POLR3A: variants seen among roughly 807,000 people sequenced by gnomAD.
POLR3A encodes the protein RNA polymerase III subunit A.
POLR3A carries 112 observed loss-of-function variants against 152.8 expected under a neutral mutation model. That is an observed-to-expected ratio of 0.73 (90% CI 0.63 to 0.86). The LOEUF (loss-of-function observed/expected upper bound fraction) is 0.86, where lower values mean the gene tolerates loss of function less well. Among genes scored for constraint, POLR3A ranks in the 40% least tolerant of loss-of-function variants. The pLI is 0.00. For missense variants in POLR3A, 1,385 were observed against 1,743.1 expected, an observed-to-expected ratio of 0.79 and a Z score of 3.66; for synonymous variants, 615 against 652.1, an observed-to-expected ratio of 0.94 and a Z score of 0.87.
intron 11 of POLR3A, among the ~76,000 whole-genome samples, chr10:78,011,854 G>T (rs957748104): frequency 3.3e-5 from 5 of 152,122 alleles, no homozygotes; most frequent in Non-Finnish European, 7.4e-5. Context: ...TGGTAACTAA[G>T]GATTCTTCTA....
chr10:78,006,214 T>C (rs1243210768), intron 15 of POLR3A, among the ~76,000 whole-genome samples: 1 of 151,788 alleles, frequency 6.6e-6, no homozygotes. Context: ...CTGGCCAACA[T>C]GGTGAAACCC....
chr10:77,981,963 C>T lies in POLR3A; in HGVS notation c.3759+191G>A, dbSNP rs563525562. Among the ~76,000 whole-genome samples, 2,982 of 139,034 alleles carry T rather than the reference C, an allele frequency of 0.021. 60 individuals are homozygous for T. The highest frequency in any genetic ancestry group is 0.054 in the Middle Eastern group (15 of 276). The allele number at this position is 139,034 out of a possible 152,430, so 91.2% of individuals were successfully genotyped here. ...CTGAGGCAGGAGAATGGCGTGAACC[C>T]GGGAGGCAGAGCTTGCAGTGAGCAG... On this transcript the variant is annotated intron_variant, in intron 28 of 30. Transcript: ENST00000372371.
intron 25 of POLR3A, 40 bp downstream of exon 25, chr10:77,984,165 T>C: frequency 7.2e-7 from 1 of 1,384,452 alleles, no homozygotes; most frequent in Non-Finnish European, 1.0e-6. Context: ...GCAACATTGC[T>C]GAGCTAGTTT....
In POLR3A at chr10:77,982,277, G is replaced by A. The variant is rs751654135; in HGVS notation, c.3636C>T (p.Ile1212=). ...CCTTTCCACTCTGCTCGTCAATGTGGATGACAGCTCTGGACACCTCTGGAA... is the reference window on the plus strand; with the variant it reads ...CCTTTCCACTCTGCTCGTCAATGTGAATGACAGCTCTGGACACCTCTGGAA... ...QGIPEVSRAV[I]HIDEQSGKEK... is the part of the protein sequence containing the mutation. The change falls in exon 28 of 31, where the codon ATC becomes ATT. Residue 1212 remains isoleucine, a synonymous_variant. Coordinates refer to ENST00000372371, the MANE Select transcript of POLR3A (RefSeq NM_007055.4). The A allele has an allele frequency of 6.2e-7, 1 of 1,613,972 alleles. No homozygotes were observed. Among genetic ancestry groups the A allele is most frequent in the Non-Finnish European group, 8.5e-7 (1 of 1,179,946 alleles).
At position 77,980,130 on chromosome 10, in the gene POLR3A, A is replaced by C. The variant is rs886047283; in HGVS notation, c.4024+11T>G. The stretch of plus-strand genomic sequence containing the variant: ...GGCCTTTGATGCTGTTCATAGAAAC[A>C]TCAAACCTACCACACACAGAGTCCT... On this transcript the variant is annotated intron_variant, in intron 30 of 30. Coordinates refer to ENST00000372371, the MANE Select transcript of POLR3A (RefSeq NM_007055.4). 4 of 1,613,632 alleles carry C rather than the reference A, an allele frequency of 2.5e-6. No homozygotes were observed. The Admixed American group carries it at 6.7e-5, about 27-fold the overall frequency.
intron 8 of POLR3A, chr10:78,019,682 C>A: frequency 4.3e-6 from 1 of 234,376 alleles, no homozygotes; most frequent in Non-Finnish European, 8.5e-6. Context: ...TGTTCTGGAA[C>A]CTCTTAAACA....
At chr10:77,983,769 G>A (rs1207290639) in intron 26 of POLR3A, 151 bp downstream of exon 26, 2 of 687,612 alleles carry the variant, frequency 2.9e-6, no homozygotes, top group Non-Finnish European at 2.7e-6. Context: ...GAAAGAAAAT[G>A]TGAGGGGACA....
At chr10:77,997,904 C>T (rs56698336) in intron 19 of POLR3A, among the ~76,000 whole-genome samples, 9,230 of 150,636 alleles carry the variant, frequency 0.061, 938 homozygotes, top group African/African-American at 0.21. Context: ...CTTCAAACTA[C>T]ACAAGGCTAC....
intron 19 of POLR3A, among the ~76,000 whole-genome samples, chr10:77,998,307 T>A (rs1293859466): frequency 1.3e-5 from 2 of 151,870 alleles, no homozygotes; most frequent in Non-Finnish European, 2.9e-5. Context: ...ACAAATGGGA[T>A]CTAATTAAAC....
chr10:78,022,527 C>T, intron 5 of POLR3A, 143 bp from the exon 6 acceptor site: 1 of 829,756 alleles, frequency 1.2e-6, no homozygotes, highest in Non-Finnish European at 1.9e-6. Flanking sequence ...ATACGCTATG[C>T]TGCAAGAGCC....
At chr10:77,989,876 G>A (rs1433950626) in intron 21 of POLR3A, among the ~76,000 whole-genome samples, 2 of 152,076 alleles carry the variant, frequency 1.3e-5, no homozygotes, top group African/African-American at 4.8e-5. Flanking sequence ...AGCCTTTGGA[G>A]GAGAAAAACA....
Position 77,977,460 on chromosome 10 carries a change from G to A in POLR3A, c.*18C>T, listed in dbSNP as rs1248039821. 2 of 1,612,940 alleles carry A rather than the reference G, an allele frequency of 1.2e-6. No homozygotes were observed. The highest frequency in any genetic ancestry group is 3.3e-5 in the Admixed American group (2 of 60,016). On this transcript the variant is annotated 3_prime_UTR_variant, in exon 31 of 31. Transcript: ENST00000372371. ...GGACAAGGAGTCAAGGTCAGGCATG[G>A]TCCCCTCTTTCTTTGGACTATGTGA... is the stretch of plus-strand genomic sequence containing the variant.
intron 1 of POLR3A, among the ~76,000 whole-genome samples, 197 bp from the exon 2 acceptor site, chr10:78,026,426 T>C (rs919186021): frequency 6.6e-6 from 1 of 152,180 alleles, no homozygotes; most frequent in Non-Finnish European, 1.5e-5. Flanking sequence ...CAGTTTCTAC[T>C]CTCACCATCA....
At chr10:78,019,500 C>G in intron 8 of POLR3A, 2 of 565,834 alleles carry the variant, frequency 3.5e-6, no homozygotes, top group Non-Finnish European at 6.3e-6. Flanking sequence ...TGGCCAATTC[C>G]TTTCCTGGTG....
chr10:78,027,433 G>GT (rs1847647530), intron 1 of POLR3A, among the ~76,000 whole-genome samples: 1 of 152,208 alleles, frequency 6.6e-6, no homozygotes, highest in Non-Finnish European at 1.5e-5. Context: ...GCCAAGGTGG[G>GT]TGGATCACGA....
At chr10:77,986,879 CAAG>C (rs943295614) in intron 21 of POLR3A, among the ~76,000 whole-genome samples, 7 of 152,166 alleles carry the variant, frequency 4.6e-5, no homozygotes, top group African/African-American at 7.2e-5. Flanking sequence ...CCAAGTAGAG[CAAG>C]AAGAAGGTGA....
intron 8 of POLR3A, among the ~76,000 whole-genome samples, chr10:78,021,316 T>C (rs1305555184): frequency 6.6e-6 from 1 of 152,142 alleles, no homozygotes; most frequent in Non-Finnish European, 1.5e-5. Context: ...AGCATATATA[T>C]GAGTAAATAC....
chr10:77,979,388 A>G (rs1254249554), intron 30 of POLR3A, among the ~76,000 whole-genome samples: 2 of 152,134 alleles, frequency 1.3e-5, no homozygotes, highest in Non-Finnish European at 2.9e-5. Context: ...GCCCCTTACC[A>G]GCTCTCACCC....
rs778107595 is a variant in POLR3A, at chr10:77,977,548, C to T, written c.4103G>A (p.Arg1368Lys). ...GGGCCTCTTGGGAGGGTTCGGGTCC[C>T]TGTCAGCCTTGTGAAGCAGCTTGAA... ...GLFKLLHKAD[R>K]DPNPPKRPLI... The change falls in exon 31 of 31, where the codon AGG becomes AAG. Residue 1368 changes from arginine (R) to lysine (K), a missense_variant. Arg to Lys is a conservative substitution (Grantham distance 26). Transcript: ENST00000372371. 1.2e-6 allele frequency: 2 copies of T among 1,614,034 alleles called. No individual in the cohort carries two copies. The highest frequency in any genetic ancestry group is 1.7e-6 in the Non-Finnish European group (2 of 1,179,954).
Sources: gnomAD v4.1 joint callset for allele counts (sites outside exome capture counted in the v4.1 genomes callset) on GRCh38, gnomAD v4.1.1 for gene constraint, MANE v1.5 for transcripts, NCBI Gene and HGNC (gene_info 2026-07-23, HGNC 2026-07-21) for gene names.